The following SOX6 variants were observed in gnomAD, a reference collection of about 807,000 sequenced individuals.
SOX6 encodes SRY-box transcription factor 6, also known as transcription factor SOX-6.
Under a neutral mutation model 97.8 loss-of-function variants are expected in SOX6, and 11 were observed. The ratio of observed to expected loss-of-function variants is 0.11; its 90% CI spans 0.07 to 0.19. The LOEUF (loss-of-function observed/expected upper bound fraction) is 0.19, where lower values mean the gene tolerates loss of function less well. Among genes scored for constraint, SOX6 ranks in the 10% least tolerant of loss-of-function variants. The probability of loss-of-function intolerance (pLI) is 1.00; values close to 1 mark genes in which losing one functional copy is unlikely to be tolerated. For synonymous variants in SOX6, 360 were observed against 371.4 expected (o/e 0.97, Z 0.35); for missense variants, 810 against 1,039.5 (o/e 0.78, Z 3.04).
intron 3 of SOX6, among the ~76,000 whole-genome samples, chr11:16,616,357 T>C (rs969703939): frequency 1.3e-5 from 2 of 152,118 alleles, no homozygotes; most frequent in Non-Finnish European, 2.9e-5. Context: ...TGTTTTATTA[T>C]TTGTTAGCAT....
rs956981775 is a variant in SOX6, at chr11:16,577,597, G to C, written n.609+34484C>G. Among the ~76,000 whole-genome samples, 5 of 152,050 alleles carry C rather than the reference G, an allele frequency of 3.3e-5. No individual in the cohort carries two copies. The South Asian group carries it at 8.3e-4, about 25-fold the overall frequency. On this transcript the variant is annotated intron_variant and non_coding_transcript_variant, in intron 4 of 5. Coordinates refer to the SOX6 transcript ENST00000524520. ...CCTTTGCCAACATTTTTTAGTTTCT[G>C]GGTTTGTTTGCTTACTATAGCCTCC...
rs1286988983 is a variant in SOX6, at chr11:16,003,347, AAGACTCGTCTC to A, written c.1732+11584_1732+11594del. Among the ~76,000 whole-genome samples, 11 of 152,100 alleles carry A rather than the reference AAGACTCGTCTC, an allele frequency of 7.2e-5. No individual in the cohort carries two copies. In the East Asian group the frequency reaches 2.1e-3, roughly 30 times the overall value. On this transcript the variant is annotated intron_variant, in intron 13 of 15. Coordinates refer to ENST00000683767, the MANE Select transcript of SOX6 (RefSeq NM_001367873.1). ...GCCATCTTGCAATCACTCATTATTG[AAGACTCGTCTC>A]AGGTATTATTTATCCCATGAAAGTC...
Position 16,368,382 on chromosome 11 carries a change from T to C in SOX6, c.-4-27130A>G, listed in dbSNP as rs1247065137. Among the ~76,000 whole-genome samples the C allele has an allele frequency of 3.9e-5, 6 of 152,136 alleles. No individual in the cohort carries two copies. The East Asian group carries it at 9.6e-4, about 24-fold the overall frequency. On this transcript the variant is annotated intron_variant, in intron 1 of 15. Transcript: ENST00000396356. ...CTGTAGTCCCAGCTACTCAGAAGGC[T>C]GAGGCATGTGAATCATTTGTGCCCA...
chr11:16,339,191 T>C (rs1480129438), intron 2 of SOX6, among the ~76,000 whole-genome samples: 1 of 152,028 alleles, frequency 6.6e-6, no homozygotes, highest in Non-Finnish European at 1.5e-5. Flanking sequence ...CATCCATTCA[T>C]TATACCACGC....
intron 1 of SOX6, among the ~76,000 whole-genome samples, chr11:16,412,535 G>A (rs992797633): frequency 6.6e-6 from 1 of 152,120 alleles, no homozygotes; most frequent in African/African-American, 2.4e-5. Context: ...CTACTCAGGA[G>A]GCTAAGGCAG....
At chr11:16,004,416 G>A (rs1290554553) in intron 13 of SOX6, among the ~76,000 whole-genome samples, 1 of 151,942 alleles carries the variant, frequency 6.6e-6, no homozygotes, top group East Asian at 1.9e-4. Flanking sequence ...AATTTAACTG[G>A]CCTCTCTTCA....
intron 3 of SOX6, among the ~76,000 whole-genome samples, chr11:16,237,079 C>A (rs2134179565): frequency 6.6e-6 from 1 of 151,948 alleles, no homozygotes; most frequent in African/African-American, 2.4e-5. Flanking sequence ...ATCTATAGGA[C>A]AATGAAAGTT....
rs546629369 is a variant in SOX6, at chr11:16,138,819, C to T, written c.778-26896G>A. Among the ~76,000 whole-genome samples the T allele has an allele frequency of 7.9e-5, 12 of 151,836 alleles. No individual in the cohort carries two copies. In the East Asian group the frequency reaches 1.7e-3, roughly 22 times the overall value. On this transcript the variant is annotated intron_variant, in intron 6 of 15. Transcript: ENST00000683767. ...TGCGGTGTTTGGTTTTTTGTCCTTGCGATAGTTTGCTGAGAATGATGGTTT... is the reference window on the plus strand; with the variant it reads ...TGCGGTGTTTGGTTTTTTGTCCTTGTGATAGTTTGCTGAGAATGATGGTTT...
chr11:16,214,746 A>ATT (rs368038119), intron 4 of SOX6, among the ~76,000 whole-genome samples: 56 of 131,196 alleles, frequency 4.3e-4, no homozygotes, highest in East Asian at 3.6e-3. Flanking sequence ...ACTGGAACCA[A>ATT]TTTTTTTTTT....
chr11:16,111,851 C>G lies in SOX6; in HGVS notation c.850G>C (p.Ala284Pro), dbSNP rs766743953. The G allele has an allele frequency of 1.6e-5, 25 of 1,612,838 alleles. No homozygotes were observed. Among genetic ancestry groups the G allele is most frequent in the Non-Finnish European group, 2.0e-5 (24 of 1,179,958 alleles). ...GGGAAGAGGAATCCCTGTTGGGCAG[C>G]AGCAGCTGCTGCCAGAGTCCGCTGG... ...HDQRTLAAAAAAQQGFLFPPG... is the reference protein window; with the variant it reads ...HDQRTLAAAAPAQQGFLFPPG... The change falls in exon 7 of 16, where the codon GCT becomes CCT. Residue 284 changes from alanine (A) to proline (P), a missense_variant. Physicochemically the swap from Ala to Pro is conservative, Grantham distance 27 (BLOSUM62 -1). This residue lies in a region of SOX6 where 244 missense variants were observed against 261.0 expected (regional missense o/e 0.93). Transcript: ENST00000683767.
intron 2 of SOX6, among the ~76,000 whole-genome samples, chr11:16,717,933 A>T (rs981987): frequency 0.54 from 80,043 of 147,684 alleles, 22,320 homozygotes; most frequent in Admixed American, 0.63. Flanking sequence ...ATCCATTATA[A>T]CTGTTCTTTT....
intron 1 of SOX6, among the ~76,000 whole-genome samples, chr11:16,470,750 A>C (rs1015348877): frequency 6.6e-6 from 1 of 152,176 alleles, no homozygotes; most frequent in Non-Finnish European, 1.5e-5. Context: ...TATACCATGA[A>C]TTCAAGGTTT....
chr11:16,273,921 C>A (rs886333038), intron 3 of SOX6, among the ~76,000 whole-genome samples: 4 of 151,882 alleles, frequency 2.6e-5, no homozygotes, highest in Admixed American at 2.6e-4. Flanking sequence ...ATAGAATAAA[C>A]ATTGAACAAC....
At chr11:16,248,941 C>T (rs1404428254) in intron 3 of SOX6, among the ~76,000 whole-genome samples, 1 of 151,572 alleles carries the variant, frequency 6.6e-6, no homozygotes, top group African/African-American at 2.4e-5. Context: ...ACTAAAAATA[C>T]AAAAAGAAAA....
At chr11:16,656,870 A>G (rs982859321) in intron 3 of SOX6, among the ~76,000 whole-genome samples, 1 of 152,200 alleles carries the variant, frequency 6.6e-6, no homozygotes, top group Non-Finnish European at 1.5e-5. Context: ...AAGTTCTCAT[A>G]TATCTCACTA....
intron 3 of SOX6, among the ~76,000 whole-genome samples, chr11:16,269,642 T>C (rs1345891939): frequency 6.6e-6 from 1 of 151,014 alleles, no homozygotes; most frequent in African/African-American, 2.4e-5. Flanking sequence ...TTTCCTCATA[T>C]GAAATTTGTA....
At chr11:16,568,388 GA>G (rs1847900603) in intron 4 of SOX6, among the ~76,000 whole-genome samples, 1 of 152,120 alleles carries the variant, frequency 6.6e-6, no homozygotes, top group Admixed American at 6.6e-5. Flanking sequence ...AAAACATGAA[GA>G]ATAGAATAAA....
intron 13 of SOX6, among the ~76,000 whole-genome samples, chr11:15,996,492 G>T (rs1194682499): frequency 1.3e-5 from 2 of 152,018 alleles, no homozygotes; most frequent in African/African-American, 4.8e-5. Context: ...AGCTAGGTGT[G>T]GCGGCATGCA....
chr11:16,371,845 A>G (rs1163144344), intron 1 of SOX6, among the ~76,000 whole-genome samples: 1 of 152,082 alleles, frequency 6.6e-6, no homozygotes, highest in African/African-American at 2.4e-5. Flanking sequence ...TCATATCGGC[A>G]CTCAAAACAT....
Sources: allele counts gnomAD v4.1 joint callset (sites outside exome capture counted in the v4.1 genomes callset), GRCh38; gene constraint gnomAD v4.1.1; regional missense constraint gnomAD v4.1.1; transcripts MANE v1.5; gene names NCBI Gene and HGNC (gene_info 2026-07-23, HGNC 2026-07-21).